The following FBN2 variants were observed in gnomAD, a reference collection of about 807,000 sequenced individuals.
FBN2 encodes the protein fibrillin-2.
FBN2 carries 105 observed loss-of-function variants against 355.6 expected under a neutral mutation model. That is an observed-to-expected ratio of 0.30 (90% CI 0.25 to 0.35). FBN2 has a LOEUF of 0.35. Among genes scored for constraint, FBN2 ranks in the 10% least tolerant of loss-of-function variants. FBN2 has a pLI of 1.00. For synonymous variants in FBN2, 1,350 were observed against 1,301.2 expected, an observed-to-expected ratio of 1.04 and a Z score of -0.81; for missense variants, 3,280 against 3,758.7, an observed-to-expected ratio of 0.87 and a Z score of 3.33.
intron 27 of FBN2, among the ~76,000 whole-genome samples, chr5:128,337,704 T>G (rs1750882903): frequency 6.6e-6 from 1 of 152,126 alleles, no homozygotes; most frequent in Non-Finnish European, 1.5e-5. Context: ...CTTTCCCATT[T>G]TTTCCTAATG....
intron 39 of FBN2, among the ~76,000 whole-genome samples, chr5:128,310,478 C>T (rs1750025496): frequency 6.8e-6 from 1 of 147,582 alleles, no homozygotes; most frequent in Admixed American, 6.9e-5. Context: ...TGTCCTATGT[C>T]ACTTAGGCTA....
intron 6 of FBN2, among the ~76,000 whole-genome samples, chr5:128,463,299 A>T (rs1174281279): frequency 1.3e-5 from 2 of 152,098 alleles, no homozygotes; most frequent in Non-Finnish European, 1.5e-5. Context: ...ACTAATATTC[A>T]TACCAAAACA....
Position 128,276,166 on chromosome 5 carries a change from TAAAAGTGATGTGAAGATTA to T in FBN2, c.7472-25_7472-7del, listed in dbSNP as rs1422624095. The T allele has an allele frequency of 6.2e-7, 1 of 1,613,192 alleles. No individual in the cohort carries two copies. The highest frequency in any genetic ancestry group is 8.5e-7 in the Non-Finnish European group (1 of 1,179,396). On this transcript the variant is annotated splice_polypyrimidine_tract_variant and splice_region_variant and intron_variant, in intron 58 of 64. Transcript: ENST00000262464. Reference sequence around the variant, plus strand: ...CTGGGAGCATTCATCAAGGTCTAAGTAAAAGTGATGTGAAGATTAAATTACTGGTTAAAAGAAACAACCA... The same window carrying T: ...CTGGGAGCATTCATCAAGGTCTAAGTAATTACTGGTTAAAAGAAACAACCA...
intron 4 of FBN2, among the ~76,000 whole-genome samples, chr5:128,521,783 C>A (rs1756440050): frequency 6.6e-6 from 1 of 152,124 alleles, no homozygotes; most frequent in African/African-American, 2.4e-5. Flanking sequence ...GGGCTTCTCC[C>A]ACGGTTTTCC....
Position 128,259,286 on chromosome 5 carries a change from A to C in FBN2, c.*169T>G. 1.2e-6 allele frequency: 1 copy of C among 820,300 alleles called. No individual in the cohort carries two copies. Among genetic ancestry groups the C allele is most frequent in the Non-Finnish European group, 2.0e-6 (1 of 499,564 alleles). The allele number at this position is 820,300 out of a possible 1,614,324, so 50.8% of individuals were successfully genotyped here. A position where few individuals can be genotyped will look rare whatever the true frequency, so the allele number is the denominator to read the frequency against. On this transcript the variant is annotated 3_prime_UTR_variant, in exon 65 of 65. Coordinates refer to ENST00000262464, the MANE Select transcript of FBN2 (RefSeq NM_001999.4). ...GTGCTCAAATCTTTGGCCATACCAG[A>C]GTCTAAATTATCCCTCCCTGTGAGG...
chr5:128,391,954 T>C, intron 11 of FBN2, 64 bp downstream of exon 11: 1 of 1,437,078 alleles, frequency 7.0e-7, no homozygotes, highest in Non-Finnish European at 9.8e-7. Flanking sequence ...CATTCCAATT[T>C]GATCCTGTAA....
At chr5:128,505,832 T>C (rs1755943306) in intron 5 of FBN2, among the ~76,000 whole-genome samples, 1 of 152,204 alleles carries the variant, frequency 6.6e-6, no homozygotes, top group Admixed American at 6.5e-5. Context: ...AAATATTCCG[T>C]TGTATGCACT....
chr5:128,456,592 C>A (rs1013446181), intron 6 of FBN2, among the ~76,000 whole-genome samples: 1 of 152,136 alleles, frequency 6.6e-6, no homozygotes, highest in South Asian at 2.1e-4. Flanking sequence ...GAGCAGGCAC[C>A]CATCTCTGCG....
Position 128,529,547 on chromosome 5 carries a change from A to G in FBN2, c.436+1048T>C, listed in dbSNP as rs1756651880. On this transcript the variant is annotated intron_variant, in intron 3 of 64. Transcript: ENST00000262464. ...GCACAGATTCCCTGCTAAATTATAT[A>G]CCACAAGCAAAGAGTGGACCAGAGA... Among the ~76,000 whole-genome samples the G allele has an allele frequency of 3.9e-5, 6 of 152,288 alleles. No individual in the cohort carries two copies. The South Asian group carries it at 1.2e-3, about 32-fold the overall frequency.
intron 55 of FBN2, among the ~76,000 whole-genome samples, chr5:128,284,565 C>T (rs547968376): frequency 3.3e-5 from 5 of 152,296 alleles, no homozygotes; most frequent in East Asian, 1.9e-4. Flanking sequence ...TAGCTGGTCA[C>T]GGGTCCTAAA....
intron 25 of FBN2, chr5:128,339,320 G>C: frequency 2.4e-6 from 1 of 416,814 alleles, no homozygotes; most frequent in Non-Finnish European, 4.5e-6. Flanking sequence ...TTGTGGCTTA[G>C]AAATCGTAAC....
chr5:128,425,327 AT>A (rs1449210863), intron 7 of FBN2, among the ~76,000 whole-genome samples: 1 of 152,126 alleles, frequency 6.6e-6, no homozygotes. Flanking sequence ...TGCCCTAAAC[AT>A]TTTAAATAAA....
At chr5:128,491,460 G>A (rs549948993) in intron 5 of FBN2, among the ~76,000 whole-genome samples, 1 of 152,276 alleles carries the variant, frequency 6.6e-6, no homozygotes, top group Admixed American at 6.5e-5. Context: ...GATGGTAACT[G>A]AGCTTAGGAA....
chr5:128,451,756 A>G, intron 6 of FBN2, among the ~76,000 whole-genome samples: 1 of 152,222 alleles, frequency 6.6e-6, no homozygotes. Flanking sequence ...GTGGTATAAA[A>G]GAGCTCTAGA....
chr5:128,286,958 C>A, intron 54 of FBN2, 109 bp from the exon 55 acceptor site: 2 of 1,124,058 alleles, frequency 1.8e-6, no homozygotes, highest in South Asian at 1.3e-5. Flanking sequence ...TATGGTGGGA[C>A]AGAGAAAGGA....
At chr5:128,357,206 T>C in intron 20 of FBN2, 70 bp downstream of exon 20, 1 of 1,588,592 alleles carries the variant, frequency 6.3e-7, no homozygotes, top group Non-Finnish European at 8.6e-7. Flanking sequence ...TTTTTATCCG[T>C]AGTAAGGCCT....
At chr5:128,304,810 C>A in intron 45 of FBN2, 147 bp downstream of exon 45, 1 of 1,014,096 alleles carries the variant, frequency 9.9e-7, no homozygotes. Flanking sequence ...TATATTGAAT[C>A]AAGACTTAAA....
At chr5:128,413,917 T>C (rs1034990613) in intron 7 of FBN2, among the ~76,000 whole-genome samples, 1 of 152,186 alleles carries the variant, frequency 6.6e-6, no homozygotes, top group East Asian at 1.9e-4. Flanking sequence ...AACTTCCACT[T>C]ATTCGTATAC....
chr5:128,342,346 G>T (rs1358434356), intron 25 of FBN2, among the ~76,000 whole-genome samples: 1 of 151,934 alleles, frequency 6.6e-6, no homozygotes, highest in Non-Finnish European at 1.5e-5. Flanking sequence ...GCAAGCAGAG[G>T]TCCAGGAGAG....
Sources: allele counts gnomAD v4.1 joint callset (sites outside exome capture counted in the v4.1 genomes callset), GRCh38; gene constraint gnomAD v4.1.1; transcripts MANE v1.5; gene names NCBI Gene and HGNC (gene_info 2026-07-23, HGNC 2026-07-21).